The following KCNMB2 variants were observed in gnomAD, a reference collection of about 807,000 sequenced individuals.
The protein encoded by KCNMB2 is calcium-activated potassium channel subunit beta-2.
KCNMB2 carries 9 observed loss-of-function variants against 24.5 expected under a neutral mutation model. That is an observed-to-expected ratio of 0.37 (90% confidence interval 0.22 to 0.64). KCNMB2 has a LOEUF of 0.64. Among genes scored for constraint, KCNMB2 ranks in the 30% least tolerant of loss-of-function variants. The pLI, the probability that KCNMB2 is intolerant of heterozygous loss-of-function variation, is 0.63. For missense variants in KCNMB2, 226 were observed against 284.3 expected (o/e 0.79, Z 1.47); for synonymous variants, 109 against 104.4 (o/e 1.04, Z -0.27).
At chr3:178,571,428 G>C (rs1348297473) in intron 1 of KCNMB2, among the ~76,000 whole-genome samples, 1 of 103,222 alleles carries the variant, frequency 9.7e-6, no homozygotes, top group African/African-American at 3.3e-5. Context: ...AAAATCTGTG[G>C]ATCTGCCTTT....
intron 1 of KCNMB2, among the ~76,000 whole-genome samples, chr3:178,640,358 A>G (rs1166639783): frequency 6.6e-6 from 1 of 152,276 alleles, no homozygotes; most frequent in South Asian, 2.1e-4. Context: ...ATGTGTTACC[A>G]TGGAGGAGCA....
At position 178,754,175 on chromosome 3, in the gene KCNMB2, T is replaced by TAC. The variant is rs1396599180; in HGVS notation, c.-67-53167_-67-53166insCA. Reference sequence around the variant, plus strand: ...GTATATATATATATATATATATATATATACACACACACACACATACATATA... The same window carrying TAC: ...GTATATATATATATATATATATATATACATACACACACACACACATACATATA... On this transcript the variant is annotated intron_variant, in intron 1 of 4. Transcript: ENST00000452583. 1.8e-3 allele frequency among the ~76,000 whole-genome samples: 152 copies of TAC among 83,030 alleles called. 1 individual carries two copies. Among genetic ancestry groups the TAC allele is most frequent in the Middle Eastern group, 0.014 (2 of 148 alleles). 54.5% of individuals were successfully genotyped at this position (83,030 alleles called of 152,430 possible). A position where few individuals can be genotyped will look rare whatever the true frequency, so the allele number is the denominator to read the frequency against.
At chr3:178,654,290 G>T (rs920880359) in intron 1 of KCNMB2, among the ~76,000 whole-genome samples, 2 of 151,956 alleles carry the variant, frequency 1.3e-5, no homozygotes, top group East Asian at 3.8e-4. Flanking sequence ...AGGAGATTTT[G>T]GTTTCATTTA....
At chr3:178,551,484 G>A (rs980958518) in intron 1 of KCNMB2, among the ~76,000 whole-genome samples, 1 of 152,076 alleles carries the variant, frequency 6.6e-6, no homozygotes, top group Admixed American at 6.6e-5. Flanking sequence ...CCATCACTTC[G>A]GCCTTTCGAA....
chr3:178,631,989 T>A (rs997011134), intron 1 of KCNMB2, among the ~76,000 whole-genome samples: 2 of 152,226 alleles, frequency 1.3e-5, no homozygotes, highest in Non-Finnish European at 2.9e-5. Context: ...TTAATTTGCA[T>A]TCACTGCAAC....
At chr3:178,673,564 G>A (rs1468708122) in intron 1 of KCNMB2, among the ~76,000 whole-genome samples, 8 of 151,960 alleles carry the variant, frequency 5.3e-5, no homozygotes, top group African/African-American at 1.9e-4. Context: ...TACTATAGAT[G>A]AACTGTCAGG....
At chr3:178,584,576 T>C (rs1717353799) in intron 1 of KCNMB2, among the ~76,000 whole-genome samples, 1 of 152,232 alleles carries the variant, frequency 6.6e-6, no homozygotes, top group Non-Finnish European at 1.5e-5. Context: ...TTGTTGTTAT[T>C]ATGTTATTTT....
chr3:178,675,083 C>T (rs1577088728), intron 1 of KCNMB2, among the ~76,000 whole-genome samples: 1 of 152,280 alleles, frequency 6.6e-6, no homozygotes, highest in Non-Finnish European at 1.5e-5. Context: ...TCCTCAGCAC[C>T]ATATCCAGCA....
intron 1 of KCNMB2, among the ~76,000 whole-genome samples, chr3:178,655,705 C>G (rs58303760): frequency 1.3e-5 from 2 of 152,188 alleles, no homozygotes; most frequent in African/African-American, 4.8e-5. Flanking sequence ...AGGCCAGGAA[C>G]GCCCAGGTCC....
At chr3:178,823,012 CA>C (rs1267368988) in intron 2 of KCNMB2, among the ~76,000 whole-genome samples, 2 of 152,172 alleles carry the variant, frequency 1.3e-5, no homozygotes, top group African/African-American at 4.8e-5. Flanking sequence ...AGTGAAGTAA[CA>C]GCAGATTATT....
chr3:178,818,520 C>G (rs1217068698), intron 2 of KCNMB2, among the ~76,000 whole-genome samples: 1 of 152,142 alleles, frequency 6.6e-6, no homozygotes, highest in Non-Finnish European at 1.5e-5. Flanking sequence ...TGAGAACATG[C>G]GGTGTTTGGT....
chr3:178,775,405 A>G lies in KCNMB2; in HGVS notation c.-67-31938A>G, dbSNP rs543141381. ...CAGAGAAATTGTTTTAAAGACAAAGAAAAGGAGATTAACTTTTTTTAGAGA... is the reference window on the plus strand; with the variant it reads ...CAGAGAAATTGTTTTAAAGACAAAGGAAAGGAGATTAACTTTTTTTAGAGA... On this transcript the variant is annotated intron_variant, in intron 1 of 4. Coordinates refer to ENST00000452583, the MANE Select transcript of KCNMB2 (RefSeq NM_181361.3). 2.0e-5 allele frequency among the ~76,000 whole-genome samples: 3 copies of G among 152,306 alleles called. No individual in the cohort carries two copies. In the East Asian group the frequency reaches 5.8e-4, roughly 29 times the overall value.
chr3:178,805,902 T>G (rs1161873921), intron 1 of KCNMB2, among the ~76,000 whole-genome samples: 1 of 152,148 alleles, frequency 6.6e-6, no homozygotes, highest in Non-Finnish European at 1.5e-5. Flanking sequence ...CCTCTCAAAT[T>G]GCTGGGATTA....
At chr3:178,777,375 A>G (rs1487111138) in intron 1 of KCNMB2, among the ~76,000 whole-genome samples, 1 of 152,214 alleles carries the variant, frequency 6.6e-6, no homozygotes, top group Non-Finnish European at 1.5e-5. Context: ...CAGAGGTTGC[A>G]GTGAGCTGAG....
intron 1 of KCNMB2, among the ~76,000 whole-genome samples, chr3:178,543,972 C>T (rs904987898): frequency 6.6e-6 from 1 of 152,136 alleles, no homozygotes; most frequent in Non-Finnish European, 1.5e-5. Flanking sequence ...TATCTGCCTC[C>T]TTCCACCCCT....
At chr3:178,824,419 G>C (rs1403640240) in intron 2 of KCNMB2, 1 of 152,110 alleles carries the variant, frequency 6.6e-6, no homozygotes, top group Non-Finnish European at 1.5e-5. Context: ...CCAGGCTGGA[G>C]TGCAGTGGCA....
chr3:178,609,733 C>A (rs57953882), intron 1 of KCNMB2, among the ~76,000 whole-genome samples: 35,153 of 151,676 alleles, frequency 0.23, 4,437 homozygotes, highest in Middle Eastern at 0.38. Context: ...GCCTCCCAGG[C>A]TCAAGCAGTC....
At chr3:178,692,902 G>A (rs1721735137) in intron 1 of KCNMB2, among the ~76,000 whole-genome samples, 1 of 152,102 alleles carries the variant, frequency 6.6e-6, no homozygotes, top group Non-Finnish European at 1.5e-5. Flanking sequence ...TTTCCCATTT[G>A]TTTGTGTCAT....
chr3:178,780,463 G>A (rs1712784127), intron 1 of KCNMB2, among the ~76,000 whole-genome samples: 1 of 152,202 alleles, frequency 6.6e-6, no homozygotes, highest in South Asian at 2.1e-4. Context: ...TATGATGACA[G>A]ATAGGTTTAG....
Sources: gnomAD v4.1 joint callset for allele counts (sites outside exome capture counted in the v4.1 genomes callset) on GRCh38, gnomAD v4.1.1 for gene constraint, MANE v1.5 for transcripts, NCBI Gene and HGNC (gene_info 2026-07-23, HGNC 2026-07-21) for gene names.